Variants in ANKRD33B observed in about 807,000 individuals in gnomAD.
ANKRD33B encodes ankyrin repeat domain 33B.
In ANKRD33B, 6 loss-of-function variants were observed where a neutral mutation model predicts 21.5. The ratio of observed to expected loss-of-function variants is 0.28; its 90% CI spans 0.15 to 0.55. The LOEUF is 0.55. ANKRD33B is among the 20% of genes least tolerant of loss of function. The probability of loss-of-function intolerance (pLI) is 0.94; values close to 1 mark genes in which losing one functional copy is unlikely to be tolerated. For missense variants in ANKRD33B, 698 were observed against 747.2 expected (o/e 0.93, Z 0.77); for synonymous variants, 347 against 342.4 (o/e 1.01, Z -0.15).
rs1438236191 is a variant in ANKRD33B, at chr5:10,619,845, AAC to A, written c.496+1388_496+1389del. ...AATTCTGCAGCTCATGGGACAGAGAAACACACGAAGCCCAGCACCATCTGTCT... is the reference window on the plus strand; with the variant it reads ...AATTCTGCAGCTCATGGGACAGAGAAACACGAAGCCCAGCACCATCTGTCT... On this transcript the variant is annotated intron_variant, in intron 2 of 3. Coordinates refer to ENST00000296657, the MANE Select transcript of ANKRD33B (RefSeq NM_001164440.2). This position sits in a 1 kb window ranked among gnomAD's most constrained non-coding sequence, Gnocchi z 4.5. Among the ~76,000 whole-genome samples the A allele has an allele frequency of 2.0e-5, 3 of 152,196 alleles. No homozygotes were observed. The highest frequency in any genetic ancestry group is 4.4e-5 in the Non-Finnish European group (3 of 68,046).
chr5:10,605,751 A>AGAT (rs1736033952), intron 1 of ANKRD33B, among the ~76,000 whole-genome samples: 1 of 152,002 alleles, frequency 6.6e-6, no homozygotes, highest in Non-Finnish European at 1.5e-5. Context: ...CTGGTCTCGA[A>AGAT]CATCTGACCT....
At chr5:10,585,665 G>C (rs556337761) in intron 1 of ANKRD33B, among the ~76,000 whole-genome samples, 1 of 152,250 alleles carries the variant, frequency 6.6e-6, no homozygotes, top group East Asian at 1.9e-4. Flanking sequence ...TGTCTGGATT[G>C]TAGCCTTGCT....
chr5:10,649,171 G>A, intron 3 of ANKRD33B, 95 bp from the exon 4 acceptor site: 1 of 1,437,368 alleles, frequency 7.0e-7, no homozygotes, highest in Non-Finnish European at 9.1e-7. Flanking sequence ...AGGGGTGGGG[G>A]GTGGGGGCAG....
rs1409374859 is a variant in ANKRD33B, at chr5:10,655,124, G to A, written c.*5011G>A. On this transcript the variant is annotated 3_prime_UTR_variant, in exon 4 of 4. Coordinates refer to ENST00000296657, the MANE Select transcript of ANKRD33B (RefSeq NM_001164440.2). Reference sequence around the variant, plus strand: ...GAGAGAGAGTTTGTGATGTTGGTTGGAAAATAGGATTTATGGATGCAGGAG... The same window carrying A: ...GAGAGAGAGTTTGTGATGTTGGTTGAAAAATAGGATTTATGGATGCAGGAG... 1 of 152,440 alleles carries A rather than the reference G, an allele frequency of 6.6e-6. No homozygotes were observed. The highest frequency in any genetic ancestry group is 1.9e-4 in the East Asian group (1 of 5,300). 9.4% of individuals were successfully genotyped at this position (152,440 alleles called of 1,614,324 possible). A position where few individuals can be genotyped will look rare whatever the true frequency, so the allele number is the denominator to read the frequency against.
intron 1 of ANKRD33B, among the ~76,000 whole-genome samples, chr5:10,579,191 T>C (rs1735386182): frequency 6.7e-6 from 1 of 148,810 alleles, no homozygotes; most frequent in East Asian, 2.0e-4. Flanking sequence ...AGATACTCTC[T>C]CCTTTTTTTT....
At position 10,653,473 on chromosome 5, in the gene ANKRD33B, G is replaced by A. The variant is rs1014068628; in HGVS notation, c.*3360G>A. 6.6e-6 allele frequency: 1 copy of A among 152,624 alleles called. No individual in the cohort carries two copies. The highest frequency in any genetic ancestry group is 2.1e-4 in the South Asian group (1 of 4,838). The allele number at this position is 152,624 out of a possible 1,614,324, so 9.5% of individuals were successfully genotyped here. A position where few individuals can be genotyped will look rare whatever the true frequency, so the allele number is the denominator to read the frequency against. ...TGGGGAAACAGAGCCACCTTGAGGG[G>A]GTGTCATGGGGTCAGTGTCAGGGTG... is the stretch of plus-strand genomic sequence containing the variant. On this transcript the variant is annotated 3_prime_UTR_variant, in exon 4 of 4. Transcript: ENST00000296657.
At chr5:10,646,263 T>C (rs1737186733) in intron 3 of ANKRD33B, among the ~76,000 whole-genome samples, 1 of 152,028 alleles carries the variant, frequency 6.6e-6, no homozygotes, top group South Asian at 2.1e-4. Flanking sequence ...TGCTGGGGGG[T>C]CTGCTGGCGA....
At chr5:10,580,297 C>T (rs1396013315) in intron 1 of ANKRD33B, among the ~76,000 whole-genome samples, 1 of 152,238 alleles carries the variant, frequency 6.6e-6, no homozygotes. Context: ...CGTTGGGCCA[C>T]ACTGTCTGCT....
At chr5:10,642,141 C>G (rs748162925) in intron 3 of ANKRD33B, among the ~76,000 whole-genome samples, 1 of 152,152 alleles carries the variant, frequency 6.6e-6, no homozygotes, top group Non-Finnish European at 1.5e-5. Flanking sequence ...GTCAGTTGCC[C>G]TCTAATCGCT....
intron 1 of ANKRD33B, among the ~76,000 whole-genome samples, chr5:10,573,419 G>C (rs943285930): frequency 2.8e-5 from 4 of 143,274 alleles, no homozygotes; most frequent in Non-Finnish European, 6.0e-5. Flanking sequence ...AGTGAGCTGA[G>C]ATCACGCCAC....
intron 1 of ANKRD33B, among the ~76,000 whole-genome samples, chr5:10,592,595 C>G (rs1193071259): frequency 6.6e-6 from 1 of 150,546 alleles, no homozygotes; most frequent in Non-Finnish European, 1.5e-5. Flanking sequence ...CCACTGCACT[C>G]CAGCCTGGGC....
chr5:10,606,567 C>T (rs13188177), intron 1 of ANKRD33B, among the ~76,000 whole-genome samples: 1 of 152,022 alleles, frequency 6.6e-6, no homozygotes, highest in Non-Finnish European at 1.5e-5. Flanking sequence ...AGCCCTGTCT[C>T]TACTAAAAAT....
chr5:10,592,606 A>G (rs28508506), intron 1 of ANKRD33B, among the ~76,000 whole-genome samples: 74,676 of 148,850 alleles, frequency 0.5, 19,249 homozygotes, highest in Middle Eastern at 0.61. Context: ...CAGCCTGGGC[A>G]ACAGAGTGAG....
chr5:10,639,764 G>A (rs1343527872), intron 3 of ANKRD33B, among the ~76,000 whole-genome samples: 91 of 4,592 alleles, frequency 0.02, no homozygotes, highest in Middle Eastern at 0.17. Context: ...GGTGACGTGG[G>A]GTTGCGCGGC....
At chr5:10,604,423 C>T (rs1296807845) in intron 1 of ANKRD33B, among the ~76,000 whole-genome samples, 1 of 149,216 alleles carries the variant, frequency 6.7e-6, no homozygotes, top group African/African-American at 2.5e-5. Context: ...GATCCCCTGA[C>T]CTCAAGCAAT....
At chr5:10,599,555 C>T (rs1735888099) in intron 1 of ANKRD33B, among the ~76,000 whole-genome samples, 1 of 152,050 alleles carries the variant, frequency 6.6e-6, no homozygotes, top group South Asian at 2.1e-4. Flanking sequence ...TTTGCCTATC[C>T]TACATATTTG....
intron 1 of ANKRD33B, among the ~76,000 whole-genome samples, chr5:10,596,548 A>G (rs747741353): frequency 6.6e-6 from 1 of 152,180 alleles, no homozygotes; most frequent in African/African-American, 2.4e-5. Context: ...AAGATTATGT[A>G]AAGAGATCGA....
chr5:10,640,071 T>C (rs541698970), intron 3 of ANKRD33B, among the ~76,000 whole-genome samples: 18 of 63,786 alleles, frequency 2.8e-4, no homozygotes, highest in South Asian at 1.7e-3. Flanking sequence ...GGCGGTGACG[T>C]GGAGTTGCGT....
chr5:10,577,509 G>A (rs1198911456), intron 1 of ANKRD33B, among the ~76,000 whole-genome samples: 7 of 152,192 alleles, frequency 4.6e-5, no homozygotes, highest in South Asian at 2.1e-4. Flanking sequence ...GATTCTGTCC[G>A]GTGTCGGGCT....
Sources: gnomAD v4.1 joint callset for allele counts (sites outside exome capture counted in the v4.1 genomes callset) on GRCh38, gnomAD v4.1.1 for gene constraint, Gnocchi (gnomAD v3.1) non-coding constraint, MANE v1.5 for transcripts, NCBI Gene and HGNC (gene_info 2026-07-23, HGNC 2026-07-21) for gene names.